Variants in ZFYVE1 observed in about 807,000 individuals in gnomAD.
The protein encoded by ZFYVE1 is zinc finger FYVE domain-containing protein 1.
In ZFYVE1, 30 loss-of-function variants were observed where a neutral mutation model predicts 74.4. The ratio of observed to expected loss-of-function variants is 0.40; its 90% CI spans 0.30 to 0.55. The LOEUF is 0.55. ZFYVE1 is among the 20% of genes least tolerant of loss of function. The pLI is 0.42. For missense variants in ZFYVE1, 703 were observed against 1,011.6 expected (o/e 0.69, Z 4.14); for synonymous variants, 335 against 385.1 (o/e 0.87, Z 1.52).
chr14:72,977,829 T>C (rs1893214171), intron 8 of ZFYVE1, 98 bp downstream of exon 8: 6 of 1,286,174 alleles, frequency 4.7e-6, no homozygotes, highest in South Asian at 1.4e-5. Context: ...CTGAAATTCA[T>C]GGTTAACCTT....
chr14:72,974,087 T>A lies in ZFYVE1; in HGVS notation c.2094A>T (p.Ile698=), dbSNP rs1893101853. The A allele has an allele frequency of 6.2e-7, 1 of 1,613,812 alleles. No individual in the cohort carries two copies. Among genetic ancestry groups the A allele is most frequent in the Admixed American group, 1.7e-5 (1 of 59,988 alleles). ...TLGAVVTAID[I]PLGLVKDAAR... ...AAGCACTGCCAGGCCCACCTAGTGG[T>A]ATGTCAATGGCTGTCACCACGGCTC... is the stretch of plus-strand genomic sequence containing the variant. The change falls in exon 11 of 12, where the codon ATA becomes ATT. Residue 698 remains isoleucine, a synonymous_variant. Coordinates refer to ENST00000556143, the MANE Select transcript of ZFYVE1 (RefSeq NM_021260.4).
At chr14:73,013,005 C>G (rs1294771734) in intron 2 of ZFYVE1, among the ~76,000 whole-genome samples, 1 of 152,092 alleles carries the variant, frequency 6.6e-6, no homozygotes, top group Non-Finnish European at 1.5e-5. Context: ...TCACTTGAAC[C>G]TGAGGGTCTG....
Position 72,975,495 on chromosome 14 carries a change from G to T in ZFYVE1, c.1806+56C>A. 1 of 1,560,404 alleles carries T rather than the reference G, an allele frequency of 6.4e-7. No individual in the cohort carries two copies. The highest frequency in any genetic ancestry group is 1.2e-5 in the South Asian group (1 of 82,382). On this transcript the variant is annotated intron_variant, in intron 9 of 11. Transcript: ENST00000556143. The surrounding 1 kb of genome is among the most constrained non-coding windows in gnomAD (Gnocchi z 4.1). ...GAACAAGCTTAGCACAGGGCAAAGC[G>T]GCATTAAGTAGGATGGGCTGTGCCA...
intron 3 of ZFYVE1, 44 bp from the exon 4 acceptor site, chr14:72,993,401 T>C: frequency 2.4e-6 from 3 of 1,226,330 alleles, no homozygotes; most frequent in East Asian, 2.9e-5. Flanking sequence ...GAGTGACATT[T>C]AAAAAAAAAA....
chr14:72,979,178 T>C, intron 5 of ZFYVE1: 1 of 521,456 alleles, frequency 1.9e-6, no homozygotes, highest in Non-Finnish European at 3.5e-6. Flanking sequence ...GCACAGCGAC[T>C]ACTATCCTTG....
intron 2 of ZFYVE1, among the ~76,000 whole-genome samples, chr14:73,022,327 A>G (rs1189052017): frequency 6.6e-6 from 1 of 152,216 alleles, no homozygotes; most frequent in Non-Finnish European, 1.5e-5. Context: ...TCCAAGAAGG[A>G]AAAAAGTACA....
chr14:72,977,089 T>C (rs1893191668), intron 8 of ZFYVE1, among the ~76,000 whole-genome samples: 2 of 152,194 alleles, frequency 1.3e-5, no homozygotes, highest in African/African-American at 4.8e-5. Flanking sequence ...TTTGTATTTC[T>C]GACATCTGGA....
intron 2 of ZFYVE1, among the ~76,000 whole-genome samples, chr14:73,019,862 A>T (rs1894279631): frequency 6.6e-6 from 1 of 152,040 alleles, no homozygotes; most frequent in Non-Finnish European, 1.5e-5. Context: ...GACGCAGGAG[A>T]ATCACTTGAA....
intron 4 of ZFYVE1, among the ~76,000 whole-genome samples, chr14:72,984,528 CAA>C (rs538992802): frequency 9.4e-6 from 1 of 106,788 alleles, no homozygotes; most frequent in African/African-American, 3.6e-5. Flanking sequence ...GACTCCGTCT[CAA>C]AAAAAAAAAA....
chr14:73,012,551 G>A (rs2140381769), intron 2 of ZFYVE1, among the ~76,000 whole-genome samples: 1 of 152,228 alleles, frequency 6.6e-6, no homozygotes, highest in Non-Finnish European at 1.5e-5. Flanking sequence ...GAACCCAGGA[G>A]GCGGAGGTTG....
intron 4 of ZFYVE1, chr14:72,986,951 G>A: frequency 2.2e-5 from 22 of 985,436 alleles, no homozygotes; most frequent in Non-Finnish European, 2.7e-5. Flanking sequence ...AGCTAGAAGA[G>A]AAAGGCAGGG....
At chr14:73,022,408 C>G (rs746601090) in intron 2 of ZFYVE1, among the ~76,000 whole-genome samples, 50 of 152,306 alleles carry the variant, frequency 3.3e-4, no homozygotes, top group Admixed American at 1.2e-3. Flanking sequence ...CCCCTCCAAA[C>G]TGGAAACCTA....
At chr14:72,986,262 A>C (rs544971977) in intron 4 of ZFYVE1, among the ~76,000 whole-genome samples, 85 of 152,264 alleles carry the variant, frequency 5.6e-4, no homozygotes, top group African/African-American at 2.0e-3. Flanking sequence ...CTGTTGGCTT[A>C]TGTTGTCCAA....
At chr14:73,015,202 G>GC (rs1894164321) in intron 2 of ZFYVE1, among the ~76,000 whole-genome samples, 1 of 143,792 alleles carries the variant, frequency 7.0e-6, no homozygotes, top group African/African-American at 2.6e-5. Context: ...CTGCACTCCA[G>GC]CTGGGTGACA....
At chr14:73,003,712 A>AG (rs1183904743) in intron 2 of ZFYVE1, among the ~76,000 whole-genome samples, 1 of 149,756 alleles carries the variant, frequency 6.7e-6, no homozygotes, top group Non-Finnish European at 1.5e-5. Flanking sequence ...TCTAACTGGA[A>AG]AAAAAAAAAA....
intron 2 of ZFYVE1, among the ~76,000 whole-genome samples, chr14:73,009,474 A>C (rs1171042117): frequency 1.3e-5 from 2 of 152,178 alleles, no homozygotes; most frequent in African/African-American, 2.4e-5. Flanking sequence ...CTCCTTAGGG[A>C]GGCTGGGCGC....
chr14:73,015,319 AAGGGGGAAGGAAAG>A (rs1894172818), intron 2 of ZFYVE1, among the ~76,000 whole-genome samples: 1 of 77,898 alleles, frequency 1.3e-5, no homozygotes, highest in African/African-American at 5.2e-5. Flanking sequence ...GGAGGGAGGG[AAGGGGGAAGGAAAG>A]GGGGGAAGGA....
chr14:72,990,997 C>T (rs1893597463), intron 4 of ZFYVE1, among the ~76,000 whole-genome samples: 2 of 152,134 alleles, frequency 1.3e-5, no homozygotes, highest in African/African-American at 4.8e-5. Context: ...AGCCACCTCA[C>T]CCGACAGACC....
chr14:72,999,447 T>C (rs1224661479), intron 2 of ZFYVE1, among the ~76,000 whole-genome samples: 1 of 151,782 alleles, frequency 6.6e-6, no homozygotes, highest in African/African-American at 2.4e-5. Flanking sequence ...AATAAATACA[T>C]AGCTGAGTGC....
Sources: gnomAD v4.1 joint callset for allele counts (sites outside exome capture counted in the v4.1 genomes callset) on GRCh38, gnomAD v4.1.1 for gene constraint, Gnocchi (gnomAD v3.1) non-coding constraint, MANE v1.5 for transcripts, NCBI Gene and HGNC (gene_info 2026-07-23, HGNC 2026-07-21) for gene names.